Variants in CCDC7 observed in about 807,000 individuals in gnomAD.
The protein encoded by CCDC7 is coiled-coil domain-containing protein 7.
In CCDC7, 183 loss-of-function variants were observed where a neutral mutation model predicts 196.9. That is an observed-to-expected ratio of 0.93 (90% CI 0.82 to 1.05). CCDC7 has a LOEUF of 1.05. Among genes scored for constraint, CCDC7 ranks in the 50% least tolerant of loss-of-function variants. The pLI, the probability that CCDC7 is intolerant of heterozygous loss-of-function variation, is 0.00. For synonymous variants in CCDC7, 525 were observed against 484.6 expected, an observed-to-expected ratio of 1.08 and a Z score of -1.10; for missense variants, 1,540 against 1,482.2, an observed-to-expected ratio of 1.04 and a Z score of -0.64.
intron 31 of CCDC7, among the ~76,000 whole-genome samples, chr10:32,818,208 C>T (rs898309197): frequency 7.2e-5 from 11 of 152,124 alleles, no homozygotes; most frequent in African/African-American, 1.4e-4. Flanking sequence ...ATAAAACAGA[C>T]TTTAAACCAA....
chr10:32,641,794 T>C (rs1029036644), intron 20 of CCDC7, among the ~76,000 whole-genome samples: 2 of 152,216 alleles, frequency 1.3e-5, no homozygotes, highest in African/African-American at 2.4e-5. Context: ...TATCTACCTT[T>C]GGTCTTTGAT....
At chr10:32,702,440 C>G (rs1246056580) in intron 24 of CCDC7, among the ~76,000 whole-genome samples, 1 of 152,136 alleles carries the variant, frequency 6.6e-6, no homozygotes, top group East Asian at 1.9e-4. Context: ...TTACTTCCAA[C>G]TATGTGGTCA....
intron 33 of CCDC7, among the ~76,000 whole-genome samples, chr10:32,843,494 G>T (rs868355473): frequency 1.3e-5 from 2 of 151,890 alleles, no homozygotes; most frequent in Non-Finnish European, 2.9e-5. Flanking sequence ...CTTTACATAG[G>T]CATATAGCAT....
intron 21 of CCDC7, among the ~76,000 whole-genome samples, chr10:32,673,685 G>GTGTA (rs1554979105): frequency 1.0e-4 from 15 of 149,994 alleles, no homozygotes; most frequent in African/African-American, 3.4e-4. Flanking sequence ...GTGTGTGTGT[G>GTGTA]TGTAGTTTAG....
At chr10:32,642,307 G>A (rs543538387) in intron 20 of CCDC7, among the ~76,000 whole-genome samples, 1 of 152,340 alleles carries the variant, frequency 6.6e-6, no homozygotes, top group South Asian at 2.1e-4. Context: ...CCCAGTTTGA[G>A]TTTCCCAGCC....
intron 8 of CCDC7, among the ~76,000 whole-genome samples, chr10:32,485,053 G>T (rs1298369194): frequency 6.6e-6 from 1 of 152,184 alleles, no homozygotes; most frequent in Non-Finnish European, 1.5e-5. Flanking sequence ...CTATTGATTG[G>T]AATAGTTTCA....
At chr10:32,728,551 G>A (rs2083450609) in intron 26 of CCDC7, among the ~76,000 whole-genome samples, 1 of 152,062 alleles carries the variant, frequency 6.6e-6, no homozygotes, top group Admixed American at 6.6e-5. Context: ...ATGCTATAAC[G>A]AATGATCTTA....
intron 33 of CCDC7, among the ~76,000 whole-genome samples, chr10:32,835,899 A>G (rs979970070): frequency 1.3e-5 from 2 of 152,154 alleles, no homozygotes; most frequent in African/African-American, 4.8e-5. Context: ...TTAGAGAGGA[A>G]AGTTGCCTTA....
At chr10:32,501,841 G>A (rs189664860) in intron 9 of CCDC7, among the ~76,000 whole-genome samples, 1 of 152,344 alleles carries the variant, frequency 6.6e-6, no homozygotes, top group East Asian at 1.9e-4. Flanking sequence ...TGAGAAGGCA[G>A]TCTGTCCGTT....
intron 18 of CCDC7, among the ~76,000 whole-genome samples, chr10:32,623,422 G>A (rs911002031): frequency 6.7e-6 from 1 of 150,192 alleles, no homozygotes; most frequent in Non-Finnish European, 1.5e-5. Context: ...GAATATAAAT[G>A]CCATTTTTTA....
intron 21 of CCDC7, chr10:32,675,869 A>G (rs372399575): frequency 5.9e-5 from 9 of 152,142 alleles, no homozygotes; most frequent in Admixed American, 3.9e-4. Flanking sequence ...TTCTTCACAG[A>G]ATTGGAAAAA....
intron 29 of CCDC7, among the ~76,000 whole-genome samples, chr10:32,785,106 C>G (rs1565495645): frequency 6.6e-6 from 1 of 152,124 alleles, no homozygotes; most frequent in Non-Finnish European, 1.5e-5. Flanking sequence ...ATTTTCATCT[C>G]TATCAAATAT....
intron 15 of CCDC7, among the ~76,000 whole-genome samples, chr10:32,570,708 A>T (rs904470396): frequency 6.6e-6 from 1 of 152,174 alleles, no homozygotes; most frequent in Admixed American, 6.5e-5. Flanking sequence ...TGGCTGGAGG[A>T]GATGCACATT....
intron 41 of CCDC7, among the ~76,000 whole-genome samples, chr10:32,856,165 A>G (rs955734112): frequency 1.3e-5 from 2 of 152,226 alleles, no homozygotes; most frequent in African/African-American, 2.4e-5. Context: ...GGATTTGGCA[A>G]TGACTTCTTG....
intron 20 of CCDC7, among the ~76,000 whole-genome samples, chr10:32,643,976 G>T (rs899881394): frequency 2.0e-5 from 3 of 151,622 alleles, no homozygotes; most frequent in African/African-American, 7.3e-5. Context: ...TTTGATTTCT[G>T]GCATATTTTT....
At chr10:32,600,146 G>T (rs2060840234) in intron 18 of CCDC7, among the ~76,000 whole-genome samples, 1 of 151,350 alleles carries the variant, frequency 6.6e-6, no homozygotes, top group South Asian at 2.1e-4. Context: ...CATTGATTCT[G>T]TACAATAGGC....
intron 29 of CCDC7, among the ~76,000 whole-genome samples, chr10:32,782,873 A>T (rs2081276970): frequency 6.6e-6 from 1 of 152,212 alleles, no homozygotes; most frequent in African/African-American, 2.4e-5. Context: ...ACTTTCAGCA[A>T]AGTTGCCAAT....
intron 33 of CCDC7, among the ~76,000 whole-genome samples, chr10:32,843,439 A>T (rs891827444): frequency 1.3e-5 from 2 of 152,060 alleles, no homozygotes; most frequent in Non-Finnish European, 2.9e-5. Flanking sequence ...CTGTGGTCAG[A>T]GCTACACAAA....
intron 11 of CCDC7, among the ~76,000 whole-genome samples, chr10:32,541,049 GT>G (rs111604303): frequency 5.8e-4 from 85 of 147,586 alleles, no homozygotes; most frequent in Middle Eastern, 3.5e-3. Context: ...AAATTTCTGA[GT>G]TTTTTTTTTT....
Sources: allele counts gnomAD v4.1 joint callset (sites outside exome capture counted in the v4.1 genomes callset), GRCh38; gene constraint gnomAD v4.1.1; transcripts MANE v1.5; gene names NCBI Gene and HGNC (gene_info 2026-07-23, HGNC 2026-07-21).